Variants in ATAD2 observed in about 807,000 individuals in gnomAD.
ATAD2 encodes the protein ATPase family AAA domain containing 2, also known as ATPase family AAA domain-containing protein 2.
Under a neutral mutation model 168.9 loss-of-function variants are expected in ATAD2, and 62 were observed. The observed-to-expected ratio is 0.37, with a 90% CI of 0.30 to 0.45. ATAD2 has a LOEUF of 0.45. ATAD2 is among the 20% of genes least tolerant of loss of function. The probability of loss-of-function intolerance (pLI) is 1.00; values close to 1 mark genes in which losing one functional copy is unlikely to be tolerated. For synonymous variants in ATAD2, 613 were observed against 571.6 expected (o/e 1.07, Z -1.03); for missense variants, 1,419 against 1,667.8 (o/e 0.85, Z 2.60).
In ATAD2 at chr8:123,402,051, C is replaced by T. The variant is rs575679626; in HGVS notation, c.-2281-876G>A. 438 of 1,505,608 alleles carry T rather than the reference C, an allele frequency of 2.9e-4. 1 individual carries two copies. Among genetic ancestry groups the T allele is most frequent in the Middle Eastern group, 2.7e-3 (12 of 4,474 alleles). 93.3% of individuals were successfully genotyped at this position (1,505,608 alleles called of 1,614,324 possible). A position where few individuals can be genotyped will look rare whatever the true frequency, so the allele number is the denominator to read the frequency against. On this transcript the variant is annotated intron_variant, in intron 1 of 28. Coordinates refer to the ATAD2 transcript ENST00000521903. This position sits in a 1 kb window ranked among gnomAD's most constrained non-coding sequence, Gnocchi z 4.8. ...CTCAAGTTTGAGAAGCGTACCATGT[C>T]GGCCCAGATTGAGGGTGGCGTCCAT...
chr8:123,414,083 C>T lies in ATAD2; in HGVS notation c.-2282+2165G>A, dbSNP rs1380997092. Among the ~76,000 whole-genome samples, 13 of 89,694 alleles carry T rather than the reference C, an allele frequency of 1.4e-4. No individual in the cohort carries two copies. In the Admixed American group the frequency reaches 2.1e-3, roughly 15 times the overall value. 58.8% of individuals were successfully genotyped at this position (89,694 alleles called of 152,430 possible). On this transcript the variant is annotated intron_variant, in intron 1 of 28. Transcript: ENST00000521903. Reference sequence around the variant, plus strand: ...CTCCAGCCTGGGCGACAGAGTGAGACTCTTATCTCAAAAAAAAAAAAAAAA... The same window carrying T: ...CTCCAGCCTGGGCGACAGAGTGAGATTCTTATCTCAAAAAAAAAAAAAAAA...
intron 13 of ATAD2, chr8:123,352,514 T>C (rs1233685867): frequency 2.6e-5 from 4 of 152,246 alleles, no homozygotes; most frequent in Admixed American, 2.0e-4. Flanking sequence ...AAAGAAAAGT[T>C]TGAAGTCAAA....
At chr8:123,329,091 G>T (rs562737013) in intron 24 of ATAD2, among the ~76,000 whole-genome samples, 2 of 152,022 alleles carry the variant, frequency 1.3e-5, no homozygotes, top group Non-Finnish European at 2.9e-5. Context: ...GTGAGCCACC[G>T]CACCCGGCCT....
intron 13 of ATAD2, among the ~76,000 whole-genome samples, chr8:123,353,482 T>C (rs151198580): frequency 7.2e-5 from 11 of 152,244 alleles, no homozygotes; most frequent in African/African-American, 2.7e-4. Context: ...GTAGTCACTA[T>C]TTTTGATGCT....
intron 1 of ATAD2, among the ~76,000 whole-genome samples, chr8:123,404,931 T>G (rs1419234956): frequency 1.3e-5 from 2 of 152,216 alleles, no homozygotes; most frequent in Non-Finnish European, 2.9e-5. Flanking sequence ...CAGTTATATC[T>G]GCAAAGACCC....
chr8:123,354,888 T>TATATATATATATATA (rs1828590688), intron 13 of ATAD2, among the ~76,000 whole-genome samples: 7 of 131,328 alleles, frequency 5.3e-5, no homozygotes, highest in African/African-American at 2.1e-4. Flanking sequence ...TATATATATA[T>TATATATATATATATA]TTGAGATGGC....
At chr8:123,376,566 C>G (rs1829323663) in intron 2 of ATAD2, among the ~76,000 whole-genome samples, 1 of 151,970 alleles carries the variant, frequency 6.6e-6, no homozygotes, top group South Asian at 2.1e-4. Flanking sequence ...AAAAAATACA[C>G]ACACACACAC....
intron 13 of ATAD2, chr8:123,352,706 T>A (rs1172625755): frequency 1.3e-5 from 2 of 148,826 alleles, no homozygotes; most frequent in Non-Finnish European, 3.0e-5. Context: ...ACAAATAAGA[T>A]GTTTTCTTTT....
intron 1 of ATAD2, among the ~76,000 whole-genome samples, chr8:123,385,736 T>G (rs1333251727): frequency 2.0e-5 from 3 of 151,834 alleles, no homozygotes; most frequent in Admixed American, 6.6e-5. Flanking sequence ...ACGAAAAAAA[T>G]CTGCAAATCA....
intron 6 of ATAD2, among the ~76,000 whole-genome samples, chr8:123,370,446 C>T (rs1829118298): frequency 6.6e-6 from 1 of 152,022 alleles, no homozygotes; most frequent in South Asian, 2.1e-4. Context: ...TTCACCCAGC[C>T]CATCTGGCTG....
Position 123,321,192 on chromosome 8 carries a change from A to G in ATAD2, c.4132-17T>C. On this transcript the variant is annotated splice_polypyrimidine_tract_variant and intron_variant, in intron 27 of 27. Transcript: ENST00000287394. ...CTCCATTTTCTAGATAAAGGGGAGGAAGAGCAAATAGTAAGTTTCAATATG... is the reference window on the plus strand; with the variant it reads ...CTCCATTTTCTAGATAAAGGGGAGGGAGAGCAAATAGTAAGTTTCAATATG... 1 of 1,599,290 alleles carries G rather than the reference A, an allele frequency of 6.3e-7. No individual in the cohort carries two copies. Among genetic ancestry groups the G allele is most frequent in the Non-Finnish European group, 8.5e-7 (1 of 1,174,268 alleles).
At chr8:123,377,091 C>CAAAAAAAAGAAA (rs1829338741) in intron 2 of ATAD2, among the ~76,000 whole-genome samples, 1 of 27,256 alleles carries the variant, frequency 3.7e-5, no homozygotes, top group African/African-American at 1.7e-4. Context: ...GACTCCGTCT[C>CAAAAAAAAGAAA]AAAAAAAAAA....
In ATAD2 at chr8:123,357,783, A is replaced by G. The variant is rs751281420; in HGVS notation, c.1383-47T>C. ...TTTTAGTATTACATTTAAAAAGCAG[A>G]CTTTTAAAACAAAAATTAGAAACCA... is the stretch of plus-strand genomic sequence containing the variant. On this transcript the variant is annotated intron_variant, in intron 11 of 27. Transcript: ENST00000287394. 11 of 1,496,116 alleles carry G rather than the reference A, an allele frequency of 7.4e-6. No homozygotes were observed. The South Asian group carries it at 1.5e-4, about 20-fold the overall frequency. The allele number at this position is 1,496,116 out of a possible 1,614,324, so 92.7% of individuals were successfully genotyped here. A position where few individuals can be genotyped will look rare whatever the true frequency, so the allele number is the denominator to read the frequency against.
intron 6 of ATAD2, 65 bp downstream of exon 6, chr8:123,370,838 A>T: frequency 1.6e-6 from 2 of 1,248,628 alleles, no homozygotes; most frequent in Non-Finnish European, 2.2e-6. Flanking sequence ...TAAAAAGGCT[A>T]TTTTCTACTA....
intron 8 of ATAD2, among the ~76,000 whole-genome samples, chr8:123,366,230 C>T (rs1329568400): frequency 6.6e-6 from 1 of 151,952 alleles, no homozygotes; most frequent in East Asian, 1.9e-4. Flanking sequence ...ACCACCTTAC[C>T]CCCGCAAAAA....
intron 2 of ATAD2, among the ~76,000 whole-genome samples, chr8:123,377,915 C>A (rs953889892): frequency 1.3e-5 from 2 of 152,138 alleles, no homozygotes; most frequent in African/African-American, 4.8e-5. Flanking sequence ...AAATGTATGG[C>A]CTCAAATTTT....
chr8:123,369,888 T>TTCTTCTCCA lies in ATAD2; in HGVS notation c.855_863dup (p.Asp285_Glu287dup). 1.9e-6 allele frequency: 3 copies of TTCTTCTCCA among 1,610,990 alleles called. No individual in the cohort carries two copies. The highest frequency in any genetic ancestry group is 2.5e-6 in the Non-Finnish European group (3 of 1,178,900). The stretch of plus-strand genomic sequence containing the variant: ...TAAGATAATATCGCTTCTGATTCTC[T>TTCTTCTCCA]TCTTCTCCATCTTCTTCATCTTCAT... On this transcript the variant is annotated inframe_insertion, in exon 7 of 28. Transcript: ENST00000287394.
chr8:123,401,709 C>T (rs1813005652), intron 1 of ATAD2: 1 of 748,380 alleles, frequency 1.3e-6, no homozygotes, highest in Non-Finnish European at 2.4e-6. Flanking sequence ...GCCCTTGGTG[C>T]CTCCATAGTG....
intron 1 of ATAD2, chr8:123,401,590 G>T: frequency 7.5e-7 from 1 of 1,327,428 alleles, no homozygotes. Context: ...ATGGCATGTG[G>T]TTGCCCCCAG....
Sources: allele counts gnomAD v4.1 joint callset (sites outside exome capture counted in the v4.1 genomes callset), GRCh38; gene constraint gnomAD v4.1.1; non-coding constraint Gnocchi (gnomAD v3.1); transcripts MANE v1.5; gene names NCBI Gene and HGNC (gene_info 2026-07-23, HGNC 2026-07-21).